CREB3L2: variants seen among roughly 807,000 people sequenced by gnomAD.
The protein encoded by CREB3L2 is cAMP responsive element binding protein 3 like 2.
CREB3L2 carries 23 observed loss-of-function variants against 57.2 expected under a neutral mutation model. That is an observed-to-expected ratio of 0.40 (90% confidence interval 0.29 to 0.57). The LOEUF is 0.57. CREB3L2 is among the 20% of genes least tolerant of loss of function. The pLI, the probability that CREB3L2 is intolerant of heterozygous loss-of-function variation, is 0.42. For synonymous variants in CREB3L2, 268 were observed against 265.1 expected (o/e 1.01, Z -0.11); for missense variants, 628 against 634.7 (o/e 0.99, Z 0.11).
At chr7:137,987,504 A>G (rs544106869) in intron 1 of CREB3L2, among the ~76,000 whole-genome samples, 6 of 152,316 alleles carry the variant, frequency 3.9e-5, no homozygotes, top group African/African-American at 1.4e-4. Context: ...TAATCTCTAA[A>G]AATTAAGTTT....
intron 8 of CREB3L2, among the ~76,000 whole-genome samples, chr7:137,896,109 G>C (rs146108780): frequency 7.2e-5 from 11 of 152,256 alleles, no homozygotes; most frequent in African/African-American, 2.6e-4. Context: ...TCTAGGGCAG[G>C]GCATTGCCAA....
chr7:137,937,822 C>T (rs1241983577), intron 1 of CREB3L2, among the ~76,000 whole-genome samples: 3 of 88,198 alleles, frequency 3.4e-5, no homozygotes, highest in East Asian at 6.8e-4. Flanking sequence ...AGGCTTATTA[C>T]CAAAAAAAAA....
At chr7:137,951,300 G>A (rs1316011427) in intron 1 of CREB3L2, among the ~76,000 whole-genome samples, 2 of 152,144 alleles carry the variant, frequency 1.3e-5, no homozygotes, top group African/African-American at 2.4e-5. Context: ...TGTTCGATAA[G>A]CTTTGTTCAG....
rs1799174822 is a variant in CREB3L2 at position 137,877,216 on chromosome 7, G to A, written c.*3260C>T. On this transcript the variant is annotated 3_prime_UTR_variant, in exon 12 of 12. Coordinates refer to ENST00000330387, the MANE Select transcript of CREB3L2 (RefSeq NM_194071.4). ...AACATGGTAATTATAAGGGGTCTGT[G>A]AATAAGTTAAACTAAAAGCTGCTTT... The A allele has an allele frequency of 4.4e-6, 1 of 227,564 alleles. No homozygotes were observed. Among genetic ancestry groups the A allele is most frequent in the Non-Finnish European group, 8.7e-6 (1 of 114,556 alleles). 14.1% of individuals were successfully genotyped at this position (227,564 alleles called of 1,614,324 possible).
rs191945356 is a variant in CREB3L2, at chr7:137,923,039, G to A, written c.319+5111C>T. On this transcript the variant is annotated intron_variant, in intron 2 of 11. Transcript: ENST00000330387. Reference sequence around the variant, plus strand: ...TTACAGGCCTATCTCCCCCTGGCCCGTTCCTGAGTATCTTAACCCTGAAAT... The same window carrying A: ...TTACAGGCCTATCTCCCCCTGGCCCATTCCTGAGTATCTTAACCCTGAAAT... Among the ~76,000 whole-genome samples the A allele has an allele frequency of 8.1e-4, 123 of 152,258 alleles. 3 individuals carry two copies. The highest frequency in any genetic ancestry group is 6.6e-3 in the Admixed American group (101 of 15,292).
chr7:138,001,546 C>T lies in CREB3L2; in HGVS notation c.102+58G>A. On this transcript the variant is annotated intron_variant, in intron 1 of 11. Coordinates refer to ENST00000330387, the MANE Select transcript of CREB3L2 (RefSeq NM_194071.4). The surrounding 1 kb of genome is among the most constrained non-coding windows in gnomAD (Gnocchi z 4.2). ...GGGTCCCAGGACTCCAGCTGCTCCT[C>T]GCGTGACAACACTTGCCCGCTTTGA... 1.5e-6 allele frequency: 2 copies of T among 1,347,060 alleles called. No individual in the cohort carries two copies. The highest frequency in any genetic ancestry group is 2.1e-6 in the Non-Finnish European group (2 of 964,406). 83.4% of individuals were successfully genotyped at this position (1,347,060 alleles called of 1,614,324 possible).
chr7:137,986,133 C>G (rs575124397), intron 1 of CREB3L2, among the ~76,000 whole-genome samples: 1 of 152,328 alleles, frequency 6.6e-6, no homozygotes, highest in South Asian at 2.1e-4. Flanking sequence ...GAAAGGTGCT[C>G]ACAGTAGGGA....
At chr7:137,922,378 A>G (rs1800304625) in intron 2 of CREB3L2, among the ~76,000 whole-genome samples, 1 of 31,786 alleles carries the variant, frequency 3.1e-5, no homozygotes, top group Admixed American at 4.7e-4. Flanking sequence ...TACTATATAT[A>G]TATATGTATA....
rs1585634361 is a variant in CREB3L2 at position 137,928,223 on chromosome 7, G to C, written c.246C>G (p.Ser82Arg). 8 of 1,611,012 alleles carry C rather than the reference G, an allele frequency of 5.0e-6. No homozygotes were observed. The highest frequency in any genetic ancestry group is 5.9e-6 in the Non-Finnish European group (7 of 1,178,434). The change falls in exon 2 of 12, where the codon AGC (serine) becomes AGG (arginine). Residue 82 changes from serine (S) to arginine (R), a missense_variant. By Grantham distance (110) the Ser-to-Arg change is moderately radical. Around this residue, in one of 3 missense-constraint regions of CREB3L2, gnomAD observed 339 missense variants for 355.4 expected, o/e 0.95. Transcript: ENST00000330387. ...CCCGAGGCTCCTCGCACAGGGAGTA[G>C]CTGTGCTCAGCCTGGATGAGAGGCG... ...SPAPLIQAEH[S>R]YSLCEEPRAQ...
chr7:137,973,600 AG>A (rs1801555656), intron 1 of CREB3L2, among the ~76,000 whole-genome samples: 1 of 152,236 alleles, frequency 6.6e-6, no homozygotes, highest in Non-Finnish European at 1.5e-5. Flanking sequence ...GATCACAGTT[AG>A]TAAGCCCAGA....
chr7:137,922,493 C>T (rs1223390105), intron 2 of CREB3L2: 14 of 233,556 alleles, frequency 6.0e-5, no homozygotes, highest in African/African-American at 2.5e-4. Flanking sequence ...TATACACACA[C>T]ACACACACAC....
chr7:137,993,909 T>C (rs1228406802), intron 1 of CREB3L2, among the ~76,000 whole-genome samples: 1 of 152,180 alleles, frequency 6.6e-6, no homozygotes, highest in African/African-American at 2.4e-5. Flanking sequence ...TCCCCATAGA[T>C]AAAATGGCCC....
chr7:137,925,354 G>C (rs763285327), intron 2 of CREB3L2, among the ~76,000 whole-genome samples: 2 of 152,194 alleles, frequency 1.3e-5, no homozygotes, highest in Non-Finnish European at 1.5e-5. Context: ...AGTGAGAGCT[G>C]AATCACTGGC....
intron 8 of CREB3L2, among the ~76,000 whole-genome samples, chr7:137,900,632 T>TG (rs1563244593): frequency 7.2e-6 from 1 of 138,250 alleles, no homozygotes; most frequent in African/African-American, 2.7e-5. Context: ...CCATCTCTAC[T>TG]AAAAAAAAAA....
intron 8 of CREB3L2, among the ~76,000 whole-genome samples, chr7:137,891,169 C>T (rs1205170539): frequency 1.3e-5 from 2 of 152,164 alleles, no homozygotes; most frequent in Admixed American, 1.3e-4. Flanking sequence ...AAAATAAACT[C>T]AGTGGCTATC....
At chr7:137,940,554 T>C (rs914643055) in intron 1 of CREB3L2, among the ~76,000 whole-genome samples, 1 of 152,086 alleles carries the variant, frequency 6.6e-6, no homozygotes, top group South Asian at 2.1e-4. Flanking sequence ...CACTACAGAC[T>C]CTCTAACAAG....
chr7:137,878,947 C>G lies in CREB3L2; in HGVS notation c.*1529G>C, dbSNP rs1563234590. On this transcript the variant is annotated 3_prime_UTR_variant, in exon 12 of 12. Transcript: ENST00000330387. The stretch of plus-strand genomic sequence containing the variant: ...GTGGGGGGAGAGAGAGAAGGAGAGA[C>G]AGAGAGAGAGAGGGAGAGAGAGAAG... 2.5e-6 allele frequency: 1 copy of G among 401,138 alleles called. No individual in the cohort carries two copies. The highest frequency in any genetic ancestry group is 2.1e-5 in the African/African-American group (1 of 48,452). 24.8% of individuals were successfully genotyped at this position (401,138 alleles called of 1,614,324 possible). A position where few individuals can be genotyped will look rare whatever the true frequency, so the allele number is the denominator to read the frequency against.
intron 2 of CREB3L2, among the ~76,000 whole-genome samples, chr7:137,926,076 A>G (rs10230434): frequency 0.033 from 5,061 of 152,280 alleles, 286 homozygotes; most frequent in African/African-American, 0.12. Context: ...AAAAGTCTGG[A>G]AACAACAGAT....
Position 137,972,684 on chromosome 7 carries a change from C to CAAAAA in CREB3L2, c.102+28915_102+28919dup, listed in dbSNP as rs58627909. On this transcript the variant is annotated intron_variant, in intron 1 of 11. Coordinates refer to ENST00000330387, the MANE Select transcript of CREB3L2 (RefSeq NM_194071.4). ...CAACACAGTGAGATCCCCGTCTCTA[C>CAAAAA]AAAAAAAAAAAAAAAAAAAAAAAAA... 9.4e-3 allele frequency among the ~76,000 whole-genome samples: 90 copies of CAAAAA among 9,566 alleles called. 10 individuals are homozygous for CAAAAA. Among genetic ancestry groups the CAAAAA allele is most frequent in the South Asian group, 0.016 (2 of 128 alleles). The allele number at this position is 9,566 out of a possible 152,430, so 6.3% of individuals were successfully genotyped here.
Sources: allele counts gnomAD v4.1 joint callset (sites outside exome capture counted in the v4.1 genomes callset), GRCh38; gene constraint gnomAD v4.1.1; regional missense constraint gnomAD v4.1.1; non-coding constraint Gnocchi (gnomAD v3.1); transcripts MANE v1.5; gene names NCBI Gene and HGNC (gene_info 2026-07-23, HGNC 2026-07-21).